Variants in CRACR2A observed in about 807,000 individuals in gnomAD.
CRACR2A encodes calcium release activated channel regulator 2A, also known as EF-hand calcium-binding domain-containing protein 4B.
A neutral mutation model predicts 90.5 loss-of-function variants in CRACR2A; 79 were observed. The ratio of observed to expected loss-of-function variants is 0.87; its 90% confidence interval spans 0.73 to 1.05. The LOEUF (loss-of-function observed/expected upper bound fraction) is 1.05, where lower values mean the gene tolerates loss of function less well. Ranked by LOEUF, CRACR2A falls within the 50% of genes least tolerant of loss-of-function variation. CRACR2A has a pLI of 0.00. For missense variants in CRACR2A, 823 were observed against 897.2 expected (o/e 0.92, Z 1.06); for synonymous variants, 338 against 356.7 (o/e 0.95, Z 0.59).
Position 3,654,887 on chromosome 12 carries a change from T to C in CRACR2A, c.859-488A>G, listed in dbSNP as rs562552967. The stretch of plus-strand genomic sequence containing the variant: ...TTTTCTCCTCTCAACTCCAATTCCA[T>C]TAATCTAGAGAAGCTTTTAAGGGTA... On this transcript the variant is annotated intron_variant, in intron 9 of 19. Transcript: ENST00000440314. 1.6e-4 allele frequency among the ~76,000 whole-genome samples: 25 copies of C among 152,348 alleles called. No individual in the cohort carries two copies. In the South Asian group the frequency reaches 5.2e-3, roughly 32 times the overall value.
chr12:3,677,618 C>T (rs1447479213), intron 6 of CRACR2A, among the ~76,000 whole-genome samples: 1 of 152,208 alleles, frequency 6.6e-6, no homozygotes, highest in Non-Finnish European at 1.5e-5. Flanking sequence ...GTCACACTGT[C>T]ACCAGGAATG....
intron 1 of CRACR2A, among the ~76,000 whole-genome samples, chr12:3,744,748 A>T (rs1946583368): frequency 1.3e-5 from 2 of 152,198 alleles, no homozygotes; most frequent in Non-Finnish European, 2.9e-5. Flanking sequence ...ACCCAAGTCG[A>T]CAGGACATCT....
At chr12:3,681,079 C>A (rs185592719) in intron 4 of CRACR2A, among the ~76,000 whole-genome samples, 1 of 150,084 alleles carries the variant, frequency 6.7e-6, no homozygotes, top group Non-Finnish European at 1.5e-5. Context: ...TACTTGAGGC[C>A]TCTCCTGCTG....
At chr12:3,650,059 A>T (rs1944766962) in intron 10 of CRACR2A, among the ~76,000 whole-genome samples, 1 of 152,202 alleles carries the variant, frequency 6.6e-6, no homozygotes, top group Non-Finnish European at 1.5e-5. Context: ...ATCTTACTAC[A>T]AGGGTTCATA....
chr12:3,725,768 T>C (rs1591714276), intron 2 of CRACR2A: 2 of 152,262 alleles, frequency 1.3e-5, no homozygotes, highest in African/African-American at 4.8e-5. Flanking sequence ...AATAAGTATT[T>C]TCTTTTCTTC....
At chr12:3,713,215 C>G in intron 3 of CRACR2A, 22 bp downstream of exon 3, 1 of 983,782 alleles carries the variant, frequency 1.0e-6, no homozygotes, top group Non-Finnish European at 1.2e-6. Context: ...TGCAACCTGT[C>G]GCCTTTTGTT....
chr12:3,696,775 C>T lies in CRACR2A; in HGVS notation c.225G>A (p.Met75Ile). ...EGKGFIARKD[M>I]QRLHKELPLS... ...GCCTACCTGGGACCCCACTTACCTG[C>T]ATATCCTTCCTGGCGATGAAGCCCT... The change falls in exon 4 of 20, where the codon ATG becomes ATA. Residue 75 changes from methionine to isoleucine, a missense_variant. Physicochemically the swap from Met to Ile is conservative, Grantham distance 10. Transcript: ENST00000440314. 6.2e-7 allele frequency: 1 copy of T among 1,614,194 alleles called. No homozygotes were observed. Among genetic ancestry groups the T allele is most frequent in the Non-Finnish European group, 8.5e-7 (1 of 1,180,052 alleles).
At position 3,721,177 on chromosome 12, in the gene CRACR2A, C is replaced by T. The variant is rs572341374; in HGVS notation, c.-117-7860G>A. ...AAAGCCAAACAAATTCACCTAGCGGCTCTATTCAGCTAACATTTACAGAGT... is the reference window on the plus strand; with the variant it reads ...AAAGCCAAACAAATTCACCTAGCGGTTCTATTCAGCTAACATTTACAGAGT... On this transcript the variant is annotated intron_variant, in intron 2 of 19. Transcript: ENST00000440314. Among the ~76,000 whole-genome samples, 5 of 152,222 alleles carry T rather than the reference C, an allele frequency of 3.3e-5. No homozygotes were observed. The South Asian group carries it at 1.0e-3, about 32-fold the overall frequency.
In CRACR2A at chr12:3,645,162, T is replaced by A. The variant is rs528198063; in HGVS notation, c.1119-522A>T. 3.9e-5 allele frequency among the ~76,000 whole-genome samples: 6 copies of A among 152,262 alleles called. No homozygotes were observed. The South Asian group carries it at 1.2e-3, about 32-fold the overall frequency. On this transcript the variant is annotated intron_variant, in intron 11 of 19. Coordinates refer to ENST00000440314, the MANE Select transcript of CRACR2A (RefSeq NM_001144958.2). ...ATTTTAGTGGAGGTATAACTGTTAT[T>A]GAGAAAATAAAGCAGGAAAGTGGAG...
intron 10 of CRACR2A, among the ~76,000 whole-genome samples, chr12:3,652,038 T>G (rs1323373879): frequency 1.3e-5 from 2 of 152,132 alleles, no homozygotes; most frequent in Non-Finnish European, 2.9e-5. Context: ...GAAAACAAGT[T>G]TGTGAAGGTT....
At chr12:3,679,711 G>C (rs967335145) in intron 5 of CRACR2A, among the ~76,000 whole-genome samples, 1 of 152,190 alleles carries the variant, frequency 6.6e-6, no homozygotes, top group Non-Finnish European at 1.5e-5. Context: ...AGGATAGTGT[G>C]TCTGGTTTCT....
chr12:3,684,072 AACAT>A (rs1945507998), intron 4 of CRACR2A, among the ~76,000 whole-genome samples: 1 of 152,322 alleles, frequency 6.6e-6, no homozygotes, highest in African/African-American at 2.4e-5. Context: ...CCAGCCCAGT[AACAT>A]ACCCCATGTA....
At chr12:3,624,938 T>C (rs1944227166) in intron 17 of CRACR2A, among the ~76,000 whole-genome samples, 1 of 152,220 alleles carries the variant, frequency 6.6e-6, no homozygotes. Context: ...CTGTTCGTTT[T>C]ATTTTTTATT....
At chr12:3,651,428 T>C (rs911920261) in intron 10 of CRACR2A, among the ~76,000 whole-genome samples, 26 of 152,264 alleles carry the variant, frequency 1.7e-4, no homozygotes, top group African/African-American at 6.3e-4. Context: ...TTTTTGAACG[T>C]ATAACCTTTT....
chr12:3,714,400 C>G (rs944829646), intron 2 of CRACR2A, among the ~76,000 whole-genome samples: 2 of 152,166 alleles, frequency 1.3e-5, no homozygotes, highest in African/African-American at 4.8e-5. Context: ...ACCCCTGTCC[C>G]CTGCTCCACT....
At chr12:3,668,124 A>C (rs893589029) in intron 7 of CRACR2A, among the ~76,000 whole-genome samples, 1 of 152,220 alleles carries the variant, frequency 6.6e-6, no homozygotes, top group African/African-American at 2.4e-5. Flanking sequence ...TCTCAGGGCA[A>C]TGTTAACAAT....
At chr12:3,706,986 A>G (rs241995) in intron 3 of CRACR2A, among the ~76,000 whole-genome samples, 128,688 of 152,152 alleles carry the variant, frequency 0.85, 54,503 homozygotes, top group Middle Eastern at 0.9. Context: ...TAATAAAAGA[A>G]CGAAAAACAA....
chr12:3,676,046 A>T (rs1427344847), intron 6 of CRACR2A, among the ~76,000 whole-genome samples: 1 of 151,668 alleles, frequency 6.6e-6, no homozygotes, highest in East Asian at 1.9e-4. Flanking sequence ...TTGCTCCATC[A>T]CTTCCACCAA....
At chr12:3,648,944 G>C (rs916775268) in intron 10 of CRACR2A, among the ~76,000 whole-genome samples, 5 of 152,132 alleles carry the variant, frequency 3.3e-5, no homozygotes. Flanking sequence ...CATGCCACCT[G>C]TGAATAGGCT....
Sources: allele counts gnomAD v4.1 joint callset (sites outside exome capture counted in the v4.1 genomes callset), GRCh38; gene constraint gnomAD v4.1.1; transcripts MANE v1.5; gene names NCBI Gene and HGNC (gene_info 2026-07-23, HGNC 2026-07-21).